Variants in DLG2 observed in about 807,000 individuals in gnomAD.
DLG2 encodes the protein disks large homolog 2.
DLG2 carries 45 observed loss-of-function variants against 132.5 expected under a neutral mutation model. The ratio of observed to expected loss-of-function variants is 0.34; its 90% CI spans 0.27 to 0.44. The LOEUF (loss-of-function observed/expected upper bound fraction) is 0.44. Ranked by LOEUF, DLG2 falls within the 20% of genes least tolerant of loss-of-function variation. The pLI, the probability that DLG2 is intolerant of heterozygous loss-of-function variation, is 1.00. For missense variants in DLG2, 1,045 were observed against 1,196.9 expected (o/e 0.87, Z 1.87); for synonymous variants, 424 against 419.6 (o/e 1.01, Z -0.13).
At chr11:84,941,906 G>A (rs192289665) in intron 6 of DLG2, among the ~76,000 whole-genome samples, 4 of 151,924 alleles carry the variant, frequency 2.6e-5, no homozygotes, top group East Asian at 3.9e-4. Flanking sequence ...TTTTTATTAT[G>A]GCTACCATCT....
chr11:84,797,941 T>G (rs1447531371), intron 6 of DLG2, among the ~76,000 whole-genome samples: 1 of 152,152 alleles, frequency 6.6e-6, no homozygotes, highest in Non-Finnish European at 1.5e-5. Context: ...ACCACTATGG[T>G]GGTCTTGGAT....
At chr11:84,008,435 T>A (rs574738136) in intron 11 of DLG2, among the ~76,000 whole-genome samples, 21 of 152,058 alleles carry the variant, frequency 1.4e-4, no homozygotes, top group Non-Finnish European at 2.7e-4. Context: ...AGCTCACATG[T>A]TTTGGAGATG....
intron 6 of DLG2, among the ~76,000 whole-genome samples, chr11:84,893,280 C>T (rs1363830722): frequency 1.3e-5 from 2 of 152,182 alleles, no homozygotes; most frequent in African/African-American, 4.8e-5. Context: ...TTCGACCCTG[C>T]ATCCTGCCCA....
At chr11:84,355,504 C>G (rs910560376) in intron 7 of DLG2, among the ~76,000 whole-genome samples, 7 of 152,060 alleles carry the variant, frequency 4.6e-5, no homozygotes, top group African/African-American at 1.7e-4. Context: ...CAAGGCAGAC[C>G]TTCACCTGAC....
At chr11:85,406,464 A>T (rs563162018) in intron 3 of DLG2, among the ~76,000 whole-genome samples, 7 of 86,404 alleles carry the variant, frequency 8.1e-5, no homozygotes, top group Non-Finnish European at 1.6e-4. Flanking sequence ...TGAACGACCT[A>T]TCAAAACTGA....
At chr11:85,024,458 C>T (rs914532771) in intron 6 of DLG2, among the ~76,000 whole-genome samples, 15 of 152,174 alleles carry the variant, frequency 9.9e-5, no homozygotes, top group African/African-American at 3.4e-4. Flanking sequence ...CTTTTTTCCT[C>T]AGAATTCAGT....
intron 16 of DLG2, among the ~76,000 whole-genome samples, chr11:83,847,858 C>T (rs1463193434): frequency 6.6e-6 from 1 of 152,202 alleles, no homozygotes; most frequent in Non-Finnish European, 1.5e-5. Flanking sequence ...AACTTGGCCT[C>T]TCTTCAGCTT....
At chr11:84,512,563 A>G (rs1327411125) in intron 7 of DLG2, among the ~76,000 whole-genome samples, 1 of 152,138 alleles carries the variant, frequency 6.6e-6, no homozygotes. Context: ...AATGACTACC[A>G]CAAGATATAT....
intron 3 of DLG2, among the ~76,000 whole-genome samples, chr11:85,450,055 A>C (rs1003781306): frequency 6.6e-6 from 1 of 152,104 alleles, no homozygotes; most frequent in Non-Finnish European, 1.5e-5. Flanking sequence ...TGAACCCAGG[A>C]GGCAGAGGTT....
intron 18 of DLG2, among the ~76,000 whole-genome samples, chr11:83,748,379 C>T (rs12287368): frequency 0.03 from 4,612 of 152,256 alleles, 236 homozygotes; most frequent in African/African-American, 0.1. Context: ...TTCAGAGACA[C>T]CTCATGTTCA....
chr11:84,923,915 C>CT (rs2092879780), intron 6 of DLG2, among the ~76,000 whole-genome samples: 1 of 152,086 alleles, frequency 6.6e-6, no homozygotes, highest in South Asian at 2.1e-4. Flanking sequence ...TTTTCCAAAA[C>CT]TATGTTTTAT....
At chr11:83,513,097 G>T (rs1056513728) in intron 21 of DLG2, among the ~76,000 whole-genome samples, 1 of 152,160 alleles carries the variant, frequency 6.6e-6, no homozygotes, top group Non-Finnish European at 1.5e-5. Flanking sequence ...GATCCCTGAG[G>T]AATAGCCACA....
At chr11:85,029,201 T>TG (rs1027422308) in intron 6 of DLG2, among the ~76,000 whole-genome samples, 55 of 152,012 alleles carry the variant, frequency 3.6e-4, no homozygotes, top group African/African-American at 1.3e-3. Context: ...TCTTTTTTTT[T>TG]TTTGAAAAGA....
chr11:85,353,032 C>A (rs527595710), intron 3 of DLG2, among the ~76,000 whole-genome samples: 1 of 152,206 alleles, frequency 6.6e-6, no homozygotes, highest in South Asian at 2.1e-4. Context: ...AAAGAAGCTA[C>A]CATCAGAGTG....
At chr11:83,600,621 T>C (rs1235444896) in intron 19 of DLG2, among the ~76,000 whole-genome samples, 1 of 152,222 alleles carries the variant, frequency 6.6e-6, no homozygotes, top group African/African-American at 2.4e-5. Context: ...GGCCCTCCTG[T>C]ACAGAGAGAT....
intron 9 of DLG2, among the ~76,000 whole-genome samples, chr11:84,151,469 T>C (rs76561746): frequency 0.021 from 3,249 of 152,290 alleles, 99 homozygotes; most frequent in African/African-American, 0.073. Flanking sequence ...TAGTGGTCTA[T>C]AAATCTTGTT....
chr11:84,348,589 C>T (rs1486716361), intron 7 of DLG2, among the ~76,000 whole-genome samples: 2 of 152,120 alleles, frequency 1.3e-5, no homozygotes, highest in Non-Finnish European at 2.9e-5. Context: ...GAATGTTTTC[C>T]ATTTTTATGG....
At chr11:84,407,414 T>C (rs1241961847) in intron 7 of DLG2, among the ~76,000 whole-genome samples, 1 of 152,146 alleles carries the variant, frequency 6.6e-6, no homozygotes, top group Non-Finnish European at 1.5e-5. Flanking sequence ...CCATCCTCCA[T>C]GCCATCTGAC....
At chr11:84,068,475 G>T (rs1219206699) in intron 10 of DLG2, among the ~76,000 whole-genome samples, 1 of 152,044 alleles carries the variant, frequency 6.6e-6, no homozygotes, top group Admixed American at 6.6e-5. Flanking sequence ...GCCATCTTTG[G>T]CCCAGTTATT....
Sources: gnomAD v4.1 joint callset for allele counts (sites outside exome capture counted in the v4.1 genomes callset) on GRCh38, gnomAD v4.1.1 for gene constraint, MANE v1.5 for transcripts, NCBI Gene and HGNC (gene_info 2026-07-23, HGNC 2026-07-21) for gene names.